PCDHA3: variants seen among roughly 807,000 people sequenced by gnomAD.
The protein encoded by PCDHA3 is protocadherin alpha 3, also known as protocadherin alpha-3.
Under a neutral mutation model 62.2 loss-of-function variants are expected in PCDHA3, and 41 were observed. The observed-to-expected ratio is 0.66, with a 90% CI of 0.51 to 0.86. PCDHA3 has a LOEUF of 0.86. Among genes scored for constraint, PCDHA3 ranks in the 40% least tolerant of loss-of-function variants. The probability of loss-of-function intolerance (pLI) is 0.00; values close to 1 mark genes in which losing one functional copy is unlikely to be tolerated. For missense variants in PCDHA3, 1,304 were observed against 1,241.2 expected, an observed-to-expected ratio of 1.05 and a Z score of -0.76; for synonymous variants, 640 against 555.4, an observed-to-expected ratio of 1.15 and a Z score of -2.14.
intron 1 of PCDHA3, among the ~76,000 whole-genome samples, chr5:140,818,380 G>C (rs2150101126): frequency 6.6e-6 from 1 of 152,074 alleles, no homozygotes; most frequent in Non-Finnish European, 1.5e-5. Flanking sequence ...TTGAATCGTG[G>C]CATTTTTCCA....
At chr5:140,856,187 A>G (rs781874204) in intron 1 of PCDHA3, 4 of 1,598,212 alleles carry the variant, frequency 2.5e-6, no homozygotes, top group African/African-American at 2.7e-5. Flanking sequence ...CGTGGGCCGC[A>G]TCGCGCAGGA....
intron 1 of PCDHA3, chr5:140,860,501 CA>C (rs2046424429): frequency 6.6e-6 from 1 of 151,970 alleles, no homozygotes; most frequent in Non-Finnish European, 1.5e-5. Context: ...TGTCTACATA[CA>C]AGATAAAACT....
At chr5:140,883,332 T>C (rs2059555585) in intron 1 of PCDHA3, 3 of 1,614,174 alleles carry the variant, frequency 1.9e-6, no homozygotes, top group Non-Finnish European at 2.5e-6. Flanking sequence ...ATCACTTCTT[T>C]GTCACTCCCC....
intron 3 of PCDHA3, among the ~76,000 whole-genome samples, chr5:140,995,186 A>T (rs2097669011): frequency 6.6e-6 from 1 of 152,132 alleles, no homozygotes; most frequent in Non-Finnish European, 1.5e-5. Flanking sequence ...ACCTATGATA[A>T]AGTTTAATTT....
intron 1 of PCDHA3, chr5:140,870,528 A>G (rs556976390): frequency 3.1e-6 from 5 of 1,614,214 alleles, no homozygotes; most frequent in African/African-American, 2.7e-5. Context: ...ACATCTTCAC[A>G]GTGTCGGCGC....
At chr5:140,803,738 C>T in intron 1 of PCDHA3, 147 bp downstream of exon 1, 13 of 1,402,756 alleles carry the variant, frequency 9.3e-6, no homozygotes, top group East Asian at 2.3e-5. Context: ...GTGGTTAAAA[C>T]GGTAAGATTT....
Position 140,957,818 on chromosome 5 carries a change from A to T in PCDHA3, c.2395-21131A>T, listed in dbSNP as rs568420954. On this transcript the variant is annotated intron_variant, in intron 1 of 3. Transcript: ENST00000522353. ...GTTAAGTAAAAAAAAGTCACAAATT[A>T]AGAGAAAGTGTTAATTGATTTGAGA... Among the ~76,000 whole-genome samples the T allele has an allele frequency of 9.3e-4, 141 of 151,940 alleles. 1 individual carries two copies. Among genetic ancestry groups the T allele is most frequent in the African/African-American group, 2.9e-3 (121 of 41,526 alleles).
At chr5:140,850,349 G>C (rs1554144220) in intron 1 of PCDHA3, 1 of 1,597,844 alleles carries the variant, frequency 6.3e-7, no homozygotes, top group South Asian at 1.1e-5. Flanking sequence ...CGGCCAGCGC[G>C]AGCATCCCGT....
At chr5:140,863,422 G>A (rs782158453) in intron 1 of PCDHA3, 1 of 689,156 alleles carries the variant, frequency 1.5e-6, no homozygotes, top group South Asian at 1.3e-5. Flanking sequence ...GTACCGCAGC[G>A]TAGTGGGATC....
At chr5:140,819,262 A>G (rs188497133) in intron 1 of PCDHA3, among the ~76,000 whole-genome samples, 19 of 152,252 alleles carry the variant, frequency 1.2e-4, no homozygotes, top group Admixed American at 1.0e-3. Flanking sequence ...TATCTATATA[A>G]TTTCTATAGA....
intron 3 of PCDHA3, among the ~76,000 whole-genome samples, chr5:140,986,303 A>G (rs2097193977): frequency 6.6e-6 from 1 of 152,166 alleles, no homozygotes; most frequent in South Asian, 2.1e-4. Context: ...CAGAGAGAGA[A>G]AATTAGCTAA....
intron 1 of PCDHA3, among the ~76,000 whole-genome samples, chr5:140,925,082 AAAGGAAGG>A (rs138596875): frequency 4.1e-5 from 6 of 147,388 alleles, no homozygotes; most frequent in Admixed American, 1.3e-4. Flanking sequence ...GCTCATCTGG[AAAGGAAGG>A]AAGGAAGGAA....
intron 1 of PCDHA3, chr5:140,803,892 A>G (rs1273364244): frequency 3.7e-6 from 2 of 535,820 alleles, no homozygotes; most frequent in East Asian, 6.3e-5. Flanking sequence ...GATGAATTGC[A>G]TTATTTAGAG....
In PCDHA3 at chr5:140,802,847, G is replaced by C; in HGVS notation, c.1650G>C (p.Thr550=). The C allele has an allele frequency of 6.2e-7, 1 of 1,613,552 alleles. No homozygotes were observed. Among genetic ancestry groups the C allele is most frequent in the Non-Finnish European group, 8.5e-7 (1 of 1,179,876 alleles). ...TGCCGCCTCTGGGCAGCAACGTGAC[G>C]CTGCAGGTGTTCGTGCTGGACGAGA... ...AGVPPLGSNV[T]LQVFVLDEND... is the part of the protein sequence containing the mutation. The change falls in exon 1 of 4, where the codon ACG becomes ACC. Residue 550 remains threonine (T), a synonymous_variant. Coordinates refer to ENST00000522353, the MANE Select transcript of PCDHA3 (RefSeq NM_018906.3).
At chr5:140,832,000 T>C (rs1771797790) in intron 1 of PCDHA3, among the ~76,000 whole-genome samples, 1 of 152,228 alleles carries the variant, frequency 6.6e-6, no homozygotes. Flanking sequence ...TTCCATATTG[T>C]TTTCATTTTA....
intron 1 of PCDHA3, among the ~76,000 whole-genome samples, chr5:140,941,011 C>T (rs1554213684): frequency 6.6e-6 from 1 of 152,124 alleles, no homozygotes; most frequent in African/African-American, 2.4e-5. Context: ...TTTTCCTTTC[C>T]TATTTTCCTT....
chr5:140,972,280 T>C (rs1210047183), intron 1 of PCDHA3, among the ~76,000 whole-genome samples: 1 of 151,092 alleles, frequency 6.6e-6, no homozygotes, highest in South Asian at 2.1e-4. Context: ...GCTTGGACCA[T>C]AGATGTGCGC....
chr5:140,988,214 A>AG (rs1408259452), intron 3 of PCDHA3, among the ~76,000 whole-genome samples: 28 of 152,200 alleles, frequency 1.8e-4, no homozygotes, highest in Non-Finnish European at 4.4e-5. Flanking sequence ...AGGAAAAAAA[A>AG]ATGAGATCAG....
intron 3 of PCDHA3, among the ~76,000 whole-genome samples, chr5:140,998,827 G>T (rs2097835809): frequency 6.6e-6 from 1 of 152,226 alleles, no homozygotes; most frequent in South Asian, 2.1e-4. Context: ...GCCTCCCAAA[G>T]TGCTGGATTA....
Sources: gnomAD v4.1 joint callset for allele counts (sites outside exome capture counted in the v4.1 genomes callset) on GRCh38, gnomAD v4.1.1 for gene constraint, MANE v1.5 for transcripts, NCBI Gene and HGNC (gene_info 2026-07-23, HGNC 2026-07-21) for gene names.